Variants in PTPRN2 observed in about 807,000 individuals in gnomAD.
The protein encoded by PTPRN2 is receptor-type tyrosine-protein phosphatase N2.
In PTPRN2, 74 loss-of-function variants were observed where a neutral mutation model predicts 118.8. That is an observed-to-expected ratio of 0.62 (90% CI 0.52 to 0.76). The LOEUF (loss-of-function observed/expected upper bound fraction) is 0.76, where lower values mean the gene tolerates loss of function less well. PTPRN2 is among the 30% of genes least tolerant of loss of function. The pLI, the probability that PTPRN2 is intolerant of heterozygous loss-of-function variation, is 0.00. For missense variants in PTPRN2, 1,481 were observed against 1,394.4 expected, an observed-to-expected ratio of 1.06 and a Z score of -0.99; for synonymous variants, 641 against 608.0, an observed-to-expected ratio of 1.05 and a Z score of -0.80.
In PTPRN2 at chr7:157,931,655, C is replaced by T. The variant is rs546037214; in HGVS notation, c.1724-32918G>A. ...AATGCATCAGAAAAATGCAGGTAAGCTCTGGCTCTTACATGACGAGGGGAC... is the reference window on the plus strand; with the variant it reads ...AATGCATCAGAAAAATGCAGGTAAGTTCTGGCTCTTACATGACGAGGGGAC... On this transcript the variant is annotated intron_variant, in intron 11 of 22. Transcript: ENST00000389418. Among the ~76,000 whole-genome samples, 12 of 145,746 alleles carry T rather than the reference C, an allele frequency of 8.2e-5. No individual in the cohort carries two copies. In the South Asian group the frequency reaches 2.4e-3, roughly 29 times the overall value.
rs1405796588 is a variant in PTPRN2, at chr7:158,556,807, G to GCGCAGGTCGCTCCCA, written c.112+30736_112+30750dup. ...CTCCCACGCAGGTCAGGCGGCTCCCGCGCAGGTCGCTCCCACGCAGGTCAG... is the reference window on the plus strand; with the variant it reads ...CTCCCACGCAGGTCAGGCGGCTCCCGCGCAGGTCGCTCCCACGCAGGTCGCTCCCACGCAGGTCAG... On this transcript the variant is annotated intron_variant, in intron 1 of 22. Transcript: ENST00000389418. 2.2e-5 allele frequency among the ~76,000 whole-genome samples: 3 copies of GCGCAGGTCGCTCCCA among 138,418 alleles called. No homozygotes were observed. The South Asian group carries it at 6.9e-4, about 32-fold the overall frequency. The allele number at this position is 138,418 out of a possible 152,430, so 90.8% of individuals were successfully genotyped here.
intron 2 of PTPRN2, among the ~76,000 whole-genome samples, chr7:158,389,280 G>C (rs1161603414): frequency 6.6e-6 from 1 of 152,242 alleles, no homozygotes; most frequent in Non-Finnish European, 1.5e-5. Context: ...ATCAGCCCAG[G>C]CTGCGACGCA....
At chr7:157,857,131 G>GGGGGAGGGAGGGGAACGCTGGAT (rs1809764290) in intron 12 of PTPRN2, among the ~76,000 whole-genome samples, 1 of 150,774 alleles carries the variant, frequency 6.6e-6, no homozygotes, top group Non-Finnish European at 1.5e-5. Flanking sequence ...GGATGCTGGA[G>GGGGGAGGGAGGGGAACGCTGGAT]GGGGAGGGAG....
intron 12 of PTPRN2, among the ~76,000 whole-genome samples, chr7:157,691,647 C>G (rs964579642): frequency 2.6e-5 from 4 of 152,226 alleles, no homozygotes; most frequent in African/African-American, 9.6e-5. Flanking sequence ...GGTGAAAACC[C>G]AGGCGTGCGA....
intron 2 of PTPRN2, among the ~76,000 whole-genome samples, chr7:158,327,016 CATAT>C (rs899352787): frequency 8.7e-4 from 132 of 152,082 alleles, no homozygotes; most frequent in Non-Finnish European, 1.5e-3. Context: ...TGCATTCTCA[CATAT>C]ATACACATTC....
chr7:157,595,420 T>C, intron 16 of PTPRN2, 105 bp from the exon 17 acceptor site: 2 of 1,071,062 alleles, frequency 1.9e-6, no homozygotes, highest in Non-Finnish European at 2.8e-6. Context: ...AACCCGGAGG[T>C]TAGGAAGCCA....
At chr7:158,575,047 A>G (rs537240303) in intron 1 of PTPRN2, among the ~76,000 whole-genome samples, 6 of 152,250 alleles carry the variant, frequency 3.9e-5, no homozygotes, top group Non-Finnish European at 7.3e-5. Flanking sequence ...TACACAGGAA[A>G]GTAGCATCTT....
chr7:158,005,734 C>G (rs1805593145), intron 11 of PTPRN2, among the ~76,000 whole-genome samples: 1 of 152,174 alleles, frequency 6.6e-6, no homozygotes, highest in Admixed American at 6.5e-5. Flanking sequence ...ACGAGGGGTT[C>G]TCCCCAGAAG....
At chr7:158,013,066 A>G (rs1421833172) in intron 11 of PTPRN2, among the ~76,000 whole-genome samples, 1 of 152,222 alleles carries the variant, frequency 6.6e-6, no homozygotes, top group African/African-American at 2.4e-5. Context: ...TTGTCCTCTC[A>G]TATATGACTC....
intron 6 of PTPRN2, among the ~76,000 whole-genome samples, chr7:158,146,728 A>T (rs1490696743): frequency 1.3e-5 from 2 of 151,576 alleles, no homozygotes; most frequent in African/African-American, 4.9e-5. Context: ...CTCAAAAAAA[A>T]AAAAAAAGAA....
chr7:158,357,798 C>T (rs557789869), intron 2 of PTPRN2, among the ~76,000 whole-genome samples: 3 of 152,336 alleles, frequency 2.0e-5, no homozygotes, highest in African/African-American at 4.8e-5. Flanking sequence ...AGGCGCATTG[C>T]GTCCAGCAGG....
chr7:157,581,097 CAGCACCTGCACACCCG>C (rs1369505774), intron 17 of PTPRN2, among the ~76,000 whole-genome samples: 1 of 148,604 alleles, frequency 6.7e-6, no homozygotes, highest in Admixed American at 6.7e-5. Flanking sequence ...CTGCACACTC[CAGCACCTGCACACCCG>C]AGCACCTGGA....
At chr7:157,553,625 G>A (rs1563206870) in intron 21 of PTPRN2, among the ~76,000 whole-genome samples, 2 of 152,206 alleles carry the variant, frequency 1.3e-5, no homozygotes, top group East Asian at 1.9e-4. Context: ...GGGGAGAACC[G>A]GGCGGAAATA....
At chr7:158,422,813 T>C (rs889116909) in intron 2 of PTPRN2, among the ~76,000 whole-genome samples, 3 of 152,358 alleles carry the variant, frequency 2.0e-5, no homozygotes, top group Admixed American at 1.3e-4. Context: ...GGGGCCACCA[T>C]TCGGACATGG....
At position 158,552,705 on chromosome 7, in the gene PTPRN2, C is replaced by T. The variant is rs530861379; in HGVS notation, c.112+34853G>A. 3.9e-5 allele frequency among the ~76,000 whole-genome samples: 6 copies of T among 152,334 alleles called. No individual in the cohort carries two copies. In the South Asian group the frequency reaches 1.2e-3, roughly 32 times the overall value. On this transcript the variant is annotated intron_variant, in intron 1 of 22. Transcript: ENST00000389418. ...CAAGCAATCTGCCCACCTCAGCCTC[C>T]CAAAGTTCTGGGATTACAGGTGTGA...
At chr7:158,045,825 C>T (rs111260337) in intron 11 of PTPRN2, among the ~76,000 whole-genome samples, 148 of 83,540 alleles carry the variant, frequency 1.8e-3, no homozygotes, top group South Asian at 4.4e-3. Flanking sequence ...GACACTGCCT[C>T]GTTCTGTCCA....
chr7:158,448,326 G>T (rs1817866719), intron 2 of PTPRN2, among the ~76,000 whole-genome samples: 1 of 152,230 alleles, frequency 6.6e-6, no homozygotes, highest in African/African-American at 2.4e-5. Context: ...TAATAGCCAT[G>T]TATTGCTTCT....
intron 13 of PTPRN2, 22 bp from the exon 14 acceptor site, chr7:157,656,573 A>G: frequency 6.6e-7 from 1 of 1,517,486 alleles, no homozygotes; most frequent in African/African-American, 1.4e-5. Flanking sequence ...GGGGAGGAAG[A>G]GCAGGGGGTT....
rs112550298 is a variant in PTPRN2, at chr7:157,720,677, C to A, written c.1789-37740G>T. 4.3e-3 allele frequency among the ~76,000 whole-genome samples: 661 copies of A among 152,332 alleles called. 1 individual carries two copies. Among genetic ancestry groups the A allele is most frequent in the Non-Finnish European group, 8.1e-3 (551 of 68,030 alleles). ...AGCAGGTGCCCTCGTCTCCATCAAG[C>A]GCTTTCTGGGGAGAAACTCCTTCAA... On this transcript the variant is annotated intron_variant, in intron 12 of 22. Coordinates refer to ENST00000389418, the MANE Select transcript of PTPRN2 (RefSeq NM_002847.5).
Sources: gnomAD v4.1 joint callset for allele counts (sites outside exome capture counted in the v4.1 genomes callset) on GRCh38, gnomAD v4.1.1 for gene constraint, MANE v1.5 for transcripts, NCBI Gene and HGNC (gene_info 2026-07-23, HGNC 2026-07-21) for gene names.